The following NAB2 variants were observed in gnomAD, a reference collection of about 807,000 sequenced individuals.
The protein encoded by NAB2 is NGFI-A-binding protein 2.
NAB2 carries 9 observed loss-of-function variants against 44.2 expected under a neutral mutation model. The observed-to-expected ratio is 0.20, with a 90% CI of 0.12 to 0.36. The LOEUF is 0.36. Among genes scored for constraint, NAB2 ranks in the 10% least tolerant of loss-of-function variants. The probability of loss-of-function intolerance (pLI) is 1.00; values close to 1 mark genes in which losing one functional copy is unlikely to be tolerated. For synonymous variants in NAB2, 342 were observed against 291.0 expected, an observed-to-expected ratio of 1.18 and a Z score of -1.78; for missense variants, 514 against 709.0, an observed-to-expected ratio of 0.73 and a Z score of 3.12.
intron 6 of NAB2, 114 bp downstream of exon 6, chr12:57,093,712 C>T (rs2033253993): frequency 8.6e-7 from 1 of 1,159,032 alleles, no homozygotes; most frequent in African/African-American, 1.6e-5. Flanking sequence ...TCAGAGAGGG[C>T]AGTAGGATGG....
intron 2 of NAB2, 151 bp downstream of exon 2, chr12:57,092,149 G>A: frequency 7.5e-7 from 1 of 1,338,540 alleles, no homozygotes; most frequent in Non-Finnish European, 9.9e-7. Flanking sequence ...CCCTACCCCA[G>A]CGGCCGCAGT....
chr12:57,089,419 C>A, intron 1 of NAB2, 65 bp downstream of exon 1: 1 of 1,271,466 alleles, frequency 7.9e-7, no homozygotes, highest in Non-Finnish European at 1.0e-6. Flanking sequence ...GAATGGGGTC[C>A]AGAGGGCGGA....
chr12:57,089,437 G>A, intron 1 of NAB2, 83 bp downstream of exon 1: 1 of 1,250,404 alleles, frequency 8.0e-7, no homozygotes, highest in Non-Finnish European at 1.1e-6. Context: ...GGAGGTCGAG[G>A]GGAGGACGTG....
At chr12:57,094,558 T>A in intron 6 of NAB2, 54 bp from the exon 7 acceptor site, 1 of 1,417,838 alleles carries the variant, frequency 7.1e-7, no homozygotes, top group East Asian at 2.5e-5. Flanking sequence ...CCCAACCACC[T>A]CTGTCTGCAG....
rs914033627 is a variant in NAB2, at chr12:57,091,092, C to T, written c.84-33C>T. 2.7e-6 allele frequency: 4 copies of T among 1,491,706 alleles called. No homozygotes were observed. The highest frequency in any genetic ancestry group is 2.3e-5 in the Admixed American group (1 of 43,938). The allele number at this position is 1,491,706 out of a possible 1,614,324, so 92.4% of individuals were successfully genotyped here. A position where few individuals can be genotyped will look rare whatever the true frequency, so the allele number is the denominator to read the frequency against. On this transcript the variant is annotated intron_variant, in intron 1 of 6. Coordinates refer to ENST00000300131, the MANE Select transcript of NAB2 (RefSeq NM_005967.4). The surrounding 1 kb of genome is among the most constrained non-coding windows in gnomAD (Gnocchi z 7.3). Reference sequence around the variant, plus strand: ...TGGTACCCAGTAGGGGGACTTGCACCGACTGCCTCTCTCTTGTGCCCCTCC... The same window carrying T: ...TGGTACCCAGTAGGGGGACTTGCACTGACTGCCTCTCTCTTGTGCCCCTCC...
chr12:57,093,546 C>T lies in NAB2; in HGVS notation c.1416C>T (p.His472=), dbSNP rs751852765. The change falls in exon 6 of 7, where the codon CAC becomes CAT. Residue 472 remains histidine (H), a synonymous_variant. Transcript: ENST00000300131. ...TGCGGCTCGCCCGCCTCGTCTCCCA[C>T]GACCGCGTGGGCCGCCTCAGCCCCT... is the stretch of plus-strand genomic sequence containing the variant. ...EGLRLARLVS[H]DRVGRLSPCV... 11 of 1,550,232 alleles carry T rather than the reference C, an allele frequency of 7.1e-6. No homozygotes were observed. Among genetic ancestry groups the T allele is most frequent in the South Asian group, 3.6e-5 (3 of 83,834 alleles).
chr12:57,094,511 G>A, intron 6 of NAB2, 101 bp from the exon 7 acceptor site: 5 of 925,246 alleles, frequency 5.4e-6, no homozygotes, highest in South Asian at 4.2e-5. Flanking sequence ...CCTAAACTGA[G>A]CCCATCTTCA....
At chr12:57,090,096 A>T (rs533484788) in intron 1 of NAB2, among the ~76,000 whole-genome samples, 8 of 152,180 alleles carry the variant, frequency 5.3e-5, no homozygotes, top group Admixed American at 4.6e-4. Flanking sequence ...GGAAGTGGGG[A>T]GTGTCACTGC....
chr12:57,093,750 G>C, intron 6 of NAB2, 152 bp downstream of exon 6: 1 of 830,184 alleles, frequency 1.2e-6, no homozygotes, highest in Non-Finnish European at 1.8e-6. Flanking sequence ...AGGCCTTGGG[G>C]TGCAGAGAGG....
At chr12:57,089,497 G>C in intron 1 of NAB2, 143 bp downstream of exon 1, 1 of 738,168 alleles carries the variant, frequency 1.4e-6, no homozygotes, top group South Asian at 1.8e-5. Flanking sequence ...AAGGGGGTGC[G>C]TCTTCGAATT....
Position 57,094,694 on chromosome 12 carries a change from A to G in NAB2, c.1551A>G (p.Lys517=), listed in dbSNP as rs2033303271. 6 of 1,553,858 alleles carry G rather than the reference A, an allele frequency of 3.9e-6. No individual in the cohort carries two copies. In the African/African-American group the frequency reaches 4.1e-5, roughly 11 times the overall value. The change falls in exon 7 of 7, where the codon AAA becomes AAG. Residue 517 remains lysine, a synonymous_variant. Transcript: ENST00000300131. ...TGGAGGGTCGCAGGAGCAGCGTGAA[A>G]GTGGAGGCTGAGGCCAGCCGGCAGT... ...ALVEGRRSSV[K]VEAEASRQ
At chr12:57,090,135 G>A (rs922550314) in intron 1 of NAB2, among the ~76,000 whole-genome samples, 3 of 152,188 alleles carry the variant, frequency 2.0e-5, no homozygotes, top group African/African-American at 7.2e-5. Flanking sequence ...GGAGCACTGG[G>A]CAGCCTGGAA....
chr12:57,089,496 C>A (rs917715278), intron 1 of NAB2, 142 bp downstream of exon 1: 11 of 739,894 alleles, frequency 1.5e-5, no homozygotes, highest in African/African-American at 1.3e-4. Flanking sequence ...AAAGGGGGTG[C>A]GTCTTCGAAT....
rs2033308466 is a variant in NAB2, at chr12:57,094,817, T to C, written c.*96T>C. On this transcript the variant is annotated 3_prime_UTR_variant, in exon 7 of 7. Transcript: ENST00000300131. Reference sequence around the variant, plus strand: ...CCCGGAATCTAGTCACAACCCTGGATCCTTCCTCTGCCCTTCTCCTGCCTC... The same window carrying C: ...CCCGGAATCTAGTCACAACCCTGGACCCTTCCTCTGCCCTTCTCCTGCCTC... 5 of 1,037,848 alleles carry C rather than the reference T, an allele frequency of 4.8e-6. No individual in the cohort carries two copies. Among genetic ancestry groups the C allele is most frequent in the Non-Finnish European group, 7.0e-6 (5 of 716,678 alleles). 64.3% of individuals were successfully genotyped at this position (1,037,848 alleles called of 1,614,324 possible).
At chr12:57,093,003 C>T (rs372457429) in intron 4 of NAB2, 35 bp downstream of exon 4, 5 of 1,614,140 alleles carry the variant, frequency 3.1e-6, no homozygotes, top group South Asian at 1.1e-5. Context: ...GGGCACTGGG[C>T]AGCCTTCCCC....
At position 57,091,329 on chromosome 12, in the gene NAB2, C is replaced by G. The variant is rs779703115; in HGVS notation, c.288C>G (p.Val96=). 2.5e-6 allele frequency: 4 copies of G among 1,613,146 alleles called. No homozygotes were observed. The African/African-American group carries it at 5.3e-5, about 22-fold the overall frequency. The change falls in exon 2 of 7, where the codon GTC becomes GTG. Residue 96 remains valine (V), a synonymous_variant. Transcript: ENST00000300131. The surrounding 1 kb of genome is among the most constrained non-coding windows in gnomAD (Gnocchi z 7.3). ...LVGMATKPLH[V]RRLQKALREW... is the part of the protein sequence containing the mutation. ...GCATGGCCACCAAGCCCCTCCATGT[C>G]CGGCGCCTGCAGAAGGCACTGAGAG...
chr12:57,093,286 G>A (rs1326215453), intron 5 of NAB2, 91 bp downstream of exon 5: 3 of 1,482,386 alleles, frequency 2.0e-6, no homozygotes, highest in Non-Finnish European at 2.7e-6. Flanking sequence ...GGCAGTGCCT[G>A]AAACAGGGTT....
At chr12:57,089,654 G>A (rs1315861701) in intron 1 of NAB2, among the ~76,000 whole-genome samples, 1 of 152,080 alleles carries the variant, frequency 6.6e-6, no homozygotes, top group African/African-American at 2.4e-5. Context: ...ACCAGGGGAT[G>A]CCCTGGAGCT....
intron 1 of NAB2, among the ~76,000 whole-genome samples, chr12:57,089,722 G>A (rs1005225923): frequency 1.2e-5 from 1 of 86,272 alleles, no homozygotes; most frequent in Admixed American, 1.2e-4. Flanking sequence ...TCCCTCGTTG[G>A]CACGGAGCGC....
Sources: gnomAD v4.1 joint callset for allele counts (sites outside exome capture counted in the v4.1 genomes callset) on GRCh38, gnomAD v4.1.1 for gene constraint, Gnocchi (gnomAD v3.1) non-coding constraint, MANE v1.5 for transcripts, NCBI Gene and HGNC (gene_info 2026-07-23, HGNC 2026-07-21) for gene names.